The following HK2 variants were observed in gnomAD, a reference collection of about 807,000 sequenced individuals.
HK2 encodes hexokinase 2, also known as hexokinase-2.
A neutral mutation model predicts 92.9 loss-of-function variants in HK2; 42 were observed. The ratio of observed to expected loss-of-function variants is 0.45; its 90% CI spans 0.35 to 0.58. The LOEUF (loss-of-function observed/expected upper bound fraction) is 0.58. HK2 is among the 20% of genes least tolerant of loss of function. The pLI, the probability that HK2 is intolerant of heterozygous loss-of-function variation, is 0.00. For missense variants in HK2, 978 were observed against 1,245.1 expected (o/e 0.79, Z 3.23); for synonymous variants, 422 against 468.0 (o/e 0.90, Z 1.27).
At chr2:74,882,016 T>C in intron 11 of HK2, 104 bp from the exon 12 acceptor site, 1 of 1,455,370 alleles carries the variant, frequency 6.9e-7, no homozygotes, top group African/African-American at 1.4e-5. Flanking sequence ...TGAGCCTGCA[T>C]TTCTTCTGGG....
chr2:74,852,742 C>T (rs1354620649), intron 1 of HK2, among the ~76,000 whole-genome samples: 4 of 151,784 alleles, frequency 2.6e-5, no homozygotes, highest in Non-Finnish European at 5.9e-5. Context: ...TTCTCATTCT[C>T]CTGGTATTAA....
chr2:74,890,486 T>C (rs1302422381), intron 17 of HK2, among the ~76,000 whole-genome samples: 1 of 152,210 alleles, frequency 6.6e-6, no homozygotes, highest in Non-Finnish European at 1.5e-5. Context: ...TGAACTTCTC[T>C]TTTACTGACT....
At chr2:74,835,405 C>G (rs2103812530) in intron 1 of HK2, 1 of 152,582 alleles carries the variant, frequency 6.6e-6, no homozygotes, top group East Asian at 1.9e-4. Context: ...GGCCAACGCG[C>G]CGCGTTCCTG....
intron 2 of HK2, among the ~76,000 whole-genome samples, chr2:74,861,004 G>A (rs955671867): frequency 3.9e-5 from 6 of 152,178 alleles, no homozygotes; most frequent in African/African-American, 1.4e-4. Flanking sequence ...TCTGTAGGCA[G>A]CCCTAATCTG....
intron 8 of HK2, among the ~76,000 whole-genome samples, chr2:74,878,413 CTGTG>C (rs56015017): frequency 0.32 from 48,203 of 149,814 alleles, 8,271 homozygotes; most frequent in African/African-American, 0.47. Flanking sequence ...CCGTGTGTCT[CTGTG>C]TGTGTGTGTG....
Position 74,834,622 on chromosome 2 carries a change from C to T in HK2, c.42C>T (p.Leu14=). 6.2e-7 allele frequency: 1 copy of T among 1,613,970 alleles called. No individual in the cohort carries two copies. The highest frequency in any genetic ancestry group is 1.1e-5 in the South Asian group (1 of 91,086). The change falls in exon 1 of 18, where the codon CTC becomes CTT. Residue 14 remains leucine, a synonymous_variant. Coordinates refer to ENST00000290573, the MANE Select transcript of HK2 (RefSeq NM_000189.5). This position sits in a 1 kb window ranked among gnomAD's most constrained non-coding sequence, Gnocchi z 4.2. ...SHLLAYFFTE[L]NHDQVQKVDQ... ...TGCTTGCCTACTTCTTCACGGAGCT[C>T]AACCATGACCAAGTGCAGAAGGTAA...
chr2:74,837,779 G>T (rs1003332817), intron 1 of HK2, among the ~76,000 whole-genome samples: 1 of 150,034 alleles, frequency 6.7e-6, no homozygotes, highest in African/African-American at 2.5e-5. Flanking sequence ...AGGTTCAAGC[G>T]ATTCTCCTGC....
At chr2:74,851,799 C>T (rs1052960605) in intron 1 of HK2, among the ~76,000 whole-genome samples, 4 of 152,206 alleles carry the variant, frequency 2.6e-5, no homozygotes, top group Non-Finnish European at 5.9e-5. Context: ...CCCAGACCTG[C>T]TCAGTCACCT....
At chr2:74,845,819 C>G (rs181349825) in intron 1 of HK2, among the ~76,000 whole-genome samples, 1 of 152,236 alleles carries the variant, frequency 6.6e-6, no homozygotes, top group Non-Finnish European at 1.5e-5. Context: ...GTCTTCCCCC[C>G]GGCTCATCTT....
At chr2:74,879,190 C>T (rs749741722) in intron 9 of HK2, among the ~76,000 whole-genome samples, 5 of 152,170 alleles carry the variant, frequency 3.3e-5, no homozygotes, top group African/African-American at 7.2e-5. Context: ...TTGCCACCCT[C>T]TTGTATGCGT....
chr2:74,858,903 C>T (rs372653089), intron 2 of HK2, among the ~76,000 whole-genome samples: 113 of 152,296 alleles, frequency 7.4e-4, no homozygotes, highest in African/African-American at 2.7e-3. Flanking sequence ...GTGAAATGTT[C>T]AAGGTAAATC....
intron 2 of HK2, among the ~76,000 whole-genome samples, chr2:74,859,052 T>C (rs1158517998): frequency 6.6e-6 from 1 of 152,240 alleles, no homozygotes; most frequent in East Asian, 1.9e-4. Context: ...CCAGAATACA[T>C]TAAAAATGGT....
intron 1 of HK2, among the ~76,000 whole-genome samples, chr2:74,840,827 T>C (rs1688294156): frequency 1.5e-5 from 2 of 134,402 alleles, no homozygotes; most frequent in African/African-American, 2.9e-5. Flanking sequence ...TGCAGTGAGC[T>C]GAGATCGCAC....
rs144583969 is a variant in HK2, at chr2:74,854,008, G to A, written c.64-285G>A. ...CCAGTGATGTTGTCACAGGCCTTCCGACTCAACCATTCTGAAAAGAACTCT... is the reference window on the plus strand; with the variant it reads ...CCAGTGATGTTGTCACAGGCCTTCCAACTCAACCATTCTGAAAAGAACTCT... On this transcript the variant is annotated intron_variant, in intron 1 of 17. Coordinates refer to ENST00000290573, the MANE Select transcript of HK2 (RefSeq NM_000189.5). Among the ~76,000 whole-genome samples the A allele has an allele frequency of 7.2e-5, 11 of 152,212 alleles. No homozygotes were observed. The East Asian group carries it at 1.7e-3, about 24-fold the overall frequency.
rs1462906436 is a variant in HK2 at position 74,867,774 on chromosome 2, G to A, written c.365G>A (p.Ser122Asn). ...ATCCCTGAGGACATCATGCGAGGCA[G>A]TGGCACCCAGGTATGACCCTTCTCT... ...YAIPEDIMRG[S>N]GTQLFDHIAE... The change falls in exon 3 of 18, where the codon AGT becomes AAT. Residue 122 changes from serine (S) to asparagine (N), a missense_variant. By Grantham distance (46) the Ser-to-Asn change is conservative (BLOSUM62 1). This residue lies in a region of HK2 where 189 missense variants were observed against 289.5 expected (regional missense o/e 0.65). Coordinates refer to ENST00000290573, the MANE Select transcript of HK2 (RefSeq NM_000189.5). 16 of 1,614,030 alleles carry A rather than the reference G, an allele frequency of 9.9e-6. No homozygotes were observed. The highest frequency in any genetic ancestry group is 2.7e-5 in the African/African-American group (2 of 74,928).
chr2:74,885,025 G>T (rs1689487723), intron 12 of HK2, among the ~76,000 whole-genome samples: 1 of 152,200 alleles, frequency 6.6e-6, no homozygotes, highest in Non-Finnish European at 1.5e-5. Flanking sequence ...CTGATGTAAA[G>T]GATAGGGACA....
At chr2:74,872,508 TG>T in intron 4 of HK2, 89 bp downstream of exon 4, 1 of 1,399,004 alleles carries the variant, frequency 7.1e-7, no homozygotes, top group Non-Finnish European at 9.9e-7. Flanking sequence ...GTGGTGGTGG[TG>T]GTAGCACTGG....
At chr2:74,848,236 C>A (rs1019660822) in intron 1 of HK2, among the ~76,000 whole-genome samples, 9 of 152,164 alleles carry the variant, frequency 5.9e-5, no homozygotes, top group Admixed American at 4.6e-4. Context: ...TCTTATTAGA[C>A]AAGACTCATC....
intron 1 of HK2, chr2:74,835,296 C>T (rs1309937627): frequency 1.9e-5 from 3 of 160,034 alleles, no homozygotes; most frequent in Non-Finnish European, 4.1e-5. Context: ...TCCAAATCAG[C>T]CTCGGGACCG....
Sources: allele counts gnomAD v4.1 joint callset (sites outside exome capture counted in the v4.1 genomes callset), GRCh38; gene constraint gnomAD v4.1.1; regional missense constraint gnomAD v4.1.1; non-coding constraint Gnocchi (gnomAD v3.1); transcripts MANE v1.5; gene names NCBI Gene and HGNC (gene_info 2026-07-23, HGNC 2026-07-21).